Variants in EYS observed in about 807,000 individuals in gnomAD.
The protein encoded by EYS is protein eyes shut homolog.
EYS carries 250 observed loss-of-function variants against 282.1 expected under a neutral mutation model. The ratio of observed to expected loss-of-function variants is 0.89; its 90% CI spans 0.80 to 0.98. EYS has a LOEUF of 0.98. Ranked by LOEUF, EYS falls within the 50% of genes least tolerant of loss-of-function variation. The pLI, the probability that EYS is intolerant of heterozygous loss-of-function variation, is 0.00. For missense variants in EYS, 4,016 were observed against 3,709.0 expected (o/e 1.08, Z -2.15); for synonymous variants, 1,355 against 1,282.9 (o/e 1.06, Z -1.20).
chr6:65,325,499 C>T (rs1223115798), intron 11 of EYS, among the ~76,000 whole-genome samples: 2 of 151,940 alleles, frequency 1.3e-5, no homozygotes, highest in Non-Finnish European at 2.9e-5. Context: ...TAAGTGATGG[C>T]AGGAGGATTT....
At chr6:64,950,677 G>C (rs1446562657) in intron 14 of EYS, among the ~76,000 whole-genome samples, 3 of 148,950 alleles carry the variant, frequency 2.0e-5, no homozygotes, top group Non-Finnish European at 4.5e-5. Flanking sequence ...AAAACAAAAT[G>C]GGAATGTACT....
intron 18 of EYS, among the ~76,000 whole-genome samples, chr6:64,888,053 T>A (rs1456262762): frequency 6.6e-6 from 1 of 152,092 alleles, no homozygotes; most frequent in Non-Finnish European, 1.5e-5. Flanking sequence ...TTCTTTTTCA[T>A]GGCTGAAGAG....
Position 64,306,882 on chromosome 6 carries a change from C to A in EYS, c.6191+88G>T, listed in dbSNP as rs187708082. On this transcript the variant is annotated intron_variant, in intron 30 of 42. Coordinates refer to ENST00000503581, the MANE Select transcript of EYS (RefSeq NM_001142800.2). ...AACAAAGAAACGAAATATAGTGCAGCCTTCATTAGATTATTTCAATTGGAA... is the reference window on the plus strand; with the variant it reads ...AACAAAGAAACGAAATATAGTGCAGACTTCATTAGATTATTTCAATTGGAA... 4.9e-5 allele frequency: 35 copies of A among 707,492 alleles called. No homozygotes were observed. In the East Asian group the frequency reaches 7.2e-4, roughly 14 times the overall value. 43.8% of individuals were successfully genotyped at this position (707,492 alleles called of 1,614,324 possible).
chr6:64,907,858 A>G (rs1224674853), intron 16 of EYS, among the ~76,000 whole-genome samples: 1 of 152,124 alleles, frequency 6.6e-6, no homozygotes, highest in Non-Finnish European at 1.5e-5. Context: ...AGTCTGAGAT[A>G]ATGATTTTCT....
intron 5 of EYS, among the ~76,000 whole-genome samples, chr6:65,421,178 T>A: frequency 6.6e-6 from 1 of 151,904 alleles, no homozygotes; most frequent in Non-Finnish European, 1.5e-5. Context: ...TATCTTCTGA[T>A]ACTAGGCTGT....
At chr6:63,887,870 C>G (rs1773305434) in intron 35 of EYS, among the ~76,000 whole-genome samples, 1 of 152,174 alleles carries the variant, frequency 6.6e-6, no homozygotes, top group African/African-American at 2.4e-5. Flanking sequence ...CTCAGCAGAT[C>G]TCACCCCCAT....
intron 31 of EYS, among the ~76,000 whole-genome samples, chr6:64,140,735 T>C (rs1476903700): frequency 6.6e-6 from 1 of 152,198 alleles, no homozygotes; most frequent in African/African-American, 2.4e-5. Context: ...AACTGCTGAC[T>C]GCCTTCTCCC....
chr6:65,638,146 C>T (rs1027255149), intron 2 of EYS, among the ~76,000 whole-genome samples: 1 of 152,092 alleles, frequency 6.6e-6, no homozygotes, highest in Non-Finnish European at 1.5e-5. Flanking sequence ...CAGACTCAGA[C>T]ATATGTCAGG....
intron 28 of EYS, among the ~76,000 whole-genome samples, chr6:64,428,092 A>G (rs1453274881): frequency 2.0e-5 from 3 of 152,142 alleles, no homozygotes; most frequent in Admixed American, 2.0e-4. Context: ...CTGGATCATA[A>G]TACAAGTTAA....
intron 11 of EYS, among the ~76,000 whole-genome samples, chr6:65,313,054 G>T: frequency 6.6e-6 from 1 of 152,096 alleles, no homozygotes; most frequent in East Asian, 1.9e-4. Flanking sequence ...CGGACACAAA[G>T]GCAAACTCCA....
At chr6:65,093,883 G>GA in intron 12 of EYS, among the ~76,000 whole-genome samples, 1 of 151,740 alleles carries the variant, frequency 6.6e-6, no homozygotes, top group Middle Eastern at 3.4e-3. Context: ...CTGTCTATAA[G>GA]AAACCCACCT....
intron 35 of EYS, among the ~76,000 whole-genome samples, chr6:63,940,918 G>A (rs1416840810): frequency 1.4e-5 from 2 of 146,140 alleles, no homozygotes; most frequent in Non-Finnish European, 1.5e-5. Flanking sequence ...CCACCTATGA[G>A]TGAGAACATG....
intron 2 of EYS, among the ~76,000 whole-genome samples, chr6:65,629,595 G>A (rs1170570558): frequency 2.0e-5 from 3 of 152,118 alleles, no homozygotes; most frequent in Non-Finnish European, 4.4e-5. Flanking sequence ...TCTCATGACT[G>A]CACCCTGCAC....
Position 64,689,433 on chromosome 6 carries a change from G to C in EYS, c.3444-63188C>G, listed in dbSNP as rs1047315996. 4.7e-5 allele frequency among the ~76,000 whole-genome samples: 7 copies of C among 147,466 alleles called. No individual in the cohort carries two copies. In the South Asian group the frequency reaches 8.9e-4, roughly 19 times the overall value. ...ATACATTCAATGCCATCCCCATCAA[G>C]CTACCAATGACTTTCTTCACAGAAC... On this transcript the variant is annotated intron_variant, in intron 22 of 42. Transcript: ENST00000503581.
intron 12 of EYS, among the ~76,000 whole-genome samples, chr6:65,166,776 T>C (rs1341352993): frequency 6.6e-6 from 1 of 151,112 alleles, no homozygotes; most frequent in African/African-American, 2.4e-5. Flanking sequence ...GTAGAAAATA[T>C]TTCCAAATTA....
rs1404953671 is a variant in EYS at position 64,520,137 on chromosome 6, C to G, written c.5644+70086G>C. 5.3e-5 allele frequency among the ~76,000 whole-genome samples: 8 copies of G among 151,818 alleles called. No homozygotes were observed. The East Asian group carries it at 1.6e-3, about 30-fold the overall frequency. ...TGGTTCACTTGCAGGGTTAATGAGA[C>G]CCTATCAAAGAGTTTCTGTAAACTT... On this transcript the variant is annotated intron_variant, in intron 26 of 42. Coordinates refer to ENST00000503581, the MANE Select transcript of EYS (RefSeq NM_001142800.2).
chr6:63,898,873 T>C (rs1409640721), intron 35 of EYS, among the ~76,000 whole-genome samples: 1 of 152,232 alleles, frequency 6.6e-6, no homozygotes, highest in Admixed American at 6.5e-5. Flanking sequence ...ACTAGTCAGA[T>C]TAAGAAGCAG....
At chr6:64,946,892 T>C (rs1202455960) in intron 14 of EYS, among the ~76,000 whole-genome samples, 1 of 151,970 alleles carries the variant, frequency 6.6e-6, no homozygotes, top group Non-Finnish European at 1.5e-5. Flanking sequence ...ATTAATTTCA[T>C]TTATTTCCAT....
At chr6:64,328,288 C>T (rs963063560) in intron 29 of EYS, among the ~76,000 whole-genome samples, 1 of 152,146 alleles carries the variant, frequency 6.6e-6, no homozygotes, top group Non-Finnish European at 1.5e-5. Flanking sequence ...AACAATGCAC[C>T]TGCAGGTACA....
Sources: gnomAD v4.1 joint callset for allele counts (sites outside exome capture counted in the v4.1 genomes callset) on GRCh38, gnomAD v4.1.1 for gene constraint, MANE v1.5 for transcripts, NCBI Gene and HGNC (gene_info 2026-07-23, HGNC 2026-07-21) for gene names.